ARMC3: variants seen among roughly 807,000 people sequenced by gnomAD.
The protein encoded by ARMC3 is armadillo repeat containing 3, also known as armadillo repeat-containing protein 3.
ARMC3 carries 74 observed loss-of-function variants against 90.3 expected under a neutral mutation model. The ratio of observed to expected loss-of-function variants is 0.82; its 90% CI spans 0.68 to 0.99. The LOEUF is 0.99. ARMC3 is among the 50% of genes least tolerant of loss of function. The probability of loss-of-function intolerance (pLI) is 0.00; values close to 1 mark genes in which losing one functional copy is unlikely to be tolerated. For missense variants in ARMC3, 958 were observed against 1,042.8 expected (o/e 0.92, Z 1.12); for synonymous variants, 334 against 361.8 (o/e 0.92, Z 0.87).
intron 10 of ARMC3, among the ~76,000 whole-genome samples, chr10:22,993,567 C>T (rs1275026093): frequency 6.6e-6 from 1 of 152,198 alleles, no homozygotes; most frequent in Non-Finnish European, 1.5e-5. Context: ...TCTGCTCACT[C>T]ACCTTGAGTT....
At chr10:22,961,826 C>T (rs920640133) in intron 6 of ARMC3, 58 bp from the exon 7 acceptor site, 2 of 1,361,498 alleles carry the variant, frequency 1.5e-6, no homozygotes, top group Non-Finnish European at 1.0e-6. Flanking sequence ...AGAATTTCTC[C>T]ATTCTTGAGG....
chr10:22,951,481 G>C (rs900284240), intron 3 of ARMC3, among the ~76,000 whole-genome samples: 1 of 151,166 alleles, frequency 6.6e-6, no homozygotes, highest in South Asian at 2.1e-4. Context: ...TTTTCAAGTG[G>C]ATACAGAACA....
chr10:23,016,503 T>C (rs1838277931), intron 16 of ARMC3, among the ~76,000 whole-genome samples: 1 of 152,226 alleles, frequency 6.6e-6, no homozygotes, highest in Admixed American at 6.5e-5. Flanking sequence ...CTAAAGTTTC[T>C]GCAGGAGAGG....
At chr10:23,032,725 A>T in intron 17 of ARMC3, 136 bp from the exon 18 acceptor site, 1 of 862,996 alleles carries the variant, frequency 1.2e-6, no homozygotes, top group Non-Finnish European at 1.7e-6. Flanking sequence ...TATGGTTAGT[A>T]CTTTCTCAAA....
intron 10 of ARMC3, among the ~76,000 whole-genome samples, chr10:22,993,451 G>C (rs1836801766): frequency 6.6e-6 from 1 of 152,234 alleles, no homozygotes; most frequent in African/African-American, 2.4e-5. Flanking sequence ...AGCTGTAAGT[G>C]ATAAAACTGG....
intron 2 of ARMC3, among the ~76,000 whole-genome samples, chr10:22,932,685 C>T (rs1250979214): frequency 6.6e-6 from 1 of 152,174 alleles, no homozygotes; most frequent in Admixed American, 6.5e-5. Context: ...TTGAAACAGA[C>T]ATTTGGTGTG....
intron 8 of ARMC3, among the ~76,000 whole-genome samples, chr10:22,980,507 AC>A (rs2131333732): frequency 6.6e-6 from 1 of 152,112 alleles, no homozygotes; most frequent in East Asian, 1.9e-4. Flanking sequence ...ATTAGCTAGA[AC>A]ATAAAAAATA....
intron 1 of ARMC3, among the ~76,000 whole-genome samples, chr10:22,929,907 T>C (rs1427830506): frequency 6.6e-6 from 1 of 152,208 alleles, no homozygotes; most frequent in Non-Finnish European, 1.5e-5. Context: ...CACTCTATCA[T>C]TGCAATACTG....
At chr10:22,940,253 C>G (rs992091511) in intron 2 of ARMC3, among the ~76,000 whole-genome samples, 3 of 152,110 alleles carry the variant, frequency 2.0e-5, no homozygotes, top group Non-Finnish European at 2.9e-5. Flanking sequence ...CCTAATAACA[C>G]AAGTTTAAGA....
At chr10:23,009,104 C>T (rs574300117) in intron 16 of ARMC3, among the ~76,000 whole-genome samples, 173 bp downstream of exon 16, 117 of 152,326 alleles carry the variant, frequency 7.7e-4, no homozygotes, top group Non-Finnish European at 1.5e-3. Context: ...AAAACTTACC[C>T]GGAGAGAATT....
At chr10:23,008,151 AGTAT>A in intron 14 of ARMC3, 121 bp from the exon 15 acceptor site, 2 of 525,046 alleles carry the variant, frequency 3.8e-6, no homozygotes, top group East Asian at 6.7e-5. Flanking sequence ...CTTTAAAAAC[AGTAT>A]GTCACTGTTA....
intron 3 of ARMC3, among the ~76,000 whole-genome samples, chr10:22,953,774 A>G (rs1391002059): frequency 1.3e-5 from 2 of 152,230 alleles, no homozygotes; most frequent in Admixed American, 6.5e-5. Flanking sequence ...AACTATCTCT[A>G]TTTGATTTAT....
At chr10:23,006,684 G>A in intron 13 of ARMC3, 200 bp from the exon 14 acceptor site, 1 of 526,634 alleles carries the variant, frequency 1.9e-6, no homozygotes, top group East Asian at 3.4e-5. Flanking sequence ...TAAGGAACTG[G>A]ATCTGTCCTG....
intron 3 of ARMC3, among the ~76,000 whole-genome samples, chr10:22,947,442 C>A (rs1305341230): frequency 2.6e-5 from 4 of 151,962 alleles, no homozygotes; most frequent in African/African-American, 9.7e-5. Flanking sequence ...TCTTAAAAAT[C>A]TATAACCCCA....
At chr10:22,966,505 A>T (rs1835446203) in intron 7 of ARMC3, among the ~76,000 whole-genome samples, 2 of 152,212 alleles carry the variant, frequency 1.3e-5, no homozygotes, top group Non-Finnish European at 2.9e-5. Flanking sequence ...GGCATAGTTT[A>T]TACTCAGATT....
intron 14 of ARMC3, 43 bp downstream of exon 14, chr10:23,007,024 G>C: frequency 6.8e-7 from 1 of 1,461,258 alleles, no homozygotes; most frequent in Non-Finnish European, 9.3e-7. Context: ...AGCACATACT[G>C]CTTGTTGTTG....
intron 16 of ARMC3, among the ~76,000 whole-genome samples, chr10:23,022,712 C>T (rs1035000563): frequency 6.6e-6 from 1 of 152,092 alleles, no homozygotes; most frequent in African/African-American, 2.4e-5. Flanking sequence ...CCCCCTTCTA[C>T]CCCTAGACCT....
At chr10:22,929,634 G>A (rs1833856073) in intron 1 of ARMC3, among the ~76,000 whole-genome samples, 1 of 152,120 alleles carries the variant, frequency 6.6e-6, no homozygotes, top group African/African-American at 2.4e-5. Context: ...TGCAACCTCC[G>A]CCTCCCGGCC....
intron 2 of ARMC3, among the ~76,000 whole-genome samples, chr10:22,935,951 A>G (rs1030673868): frequency 7.9e-5 from 12 of 152,294 alleles, no homozygotes; most frequent in South Asian, 4.1e-4. Context: ...GCACCTCATG[A>G]TCTGGGACCA....
Sources: gnomAD v4.1 joint callset for allele counts (sites outside exome capture counted in the v4.1 genomes callset) on GRCh38, gnomAD v4.1.1 for gene constraint, MANE v1.5 for transcripts, NCBI Gene and HGNC (gene_info 2026-07-23, HGNC 2026-07-21) for gene names.